Variants in XDH observed in about 807,000 individuals in gnomAD.
The protein encoded by XDH is xanthine dehydrogenase, also known as xanthine dehydrogenase/oxidase.
XDH carries 138 observed loss-of-function variants against 156.1 expected under a neutral mutation model. The ratio of observed to expected loss-of-function variants is 0.88; its 90% CI spans 0.77 to 1.02. The LOEUF (loss-of-function observed/expected upper bound fraction) is 1.02, where lower values mean the gene tolerates loss of function less well. Among genes scored for constraint, XDH ranks in the 50% least tolerant of loss-of-function variants. The pLI, the probability that XDH is intolerant of heterozygous loss-of-function variation, is 0.00. For synonymous variants in XDH, 669 were observed against 625.7 expected (o/e 1.07, Z -1.03); for missense variants, 1,849 against 1,684.9 (o/e 1.10, Z -1.71).
intron 3 of XDH, among the ~76,000 whole-genome samples, chr2:31,402,356 T>A (rs187776296): frequency 6.6e-6 from 1 of 152,316 alleles, no homozygotes; most frequent in African/African-American, 2.4e-5. Flanking sequence ...GCTCCTGAAC[T>A]GCTTCTAATG....
chr2:31,384,148 G>GTGTGTGTGTT (rs1686519192), intron 9 of XDH: 1 of 389,880 alleles, frequency 2.6e-6, no homozygotes, highest in Non-Finnish European at 4.9e-6. Context: ...GTGTGTGTGT[G>GTGTGTGTGTT]TGTGTGTTTG....
chr2:31,373,751 G>C lies in XDH; in HGVS notation c.1686+122C>G, dbSNP rs1686144338. 3.3e-6 allele frequency: 3 copies of C among 914,328 alleles called. 1 individual carries two copies. Among genetic ancestry groups the C allele is most frequent in the South Asian group, 2.8e-5 (2 of 70,966 alleles). The allele number at this position is 914,328 out of a possible 1,614,324, so 56.6% of individuals were successfully genotyped here. A position where few individuals can be genotyped will look rare whatever the true frequency, so the allele number is the denominator to read the frequency against. On this transcript the variant is annotated intron_variant, in intron 16 of 35. Coordinates refer to ENST00000379416, the MANE Select transcript of XDH (RefSeq NM_000379.4). ...TTCTTCACTGGGTATTTACGCACAA[G>C]AGTAAGGAGTTTTATGGACCTATAT... is the stretch of plus-strand genomic sequence containing the variant.
rs17011365 is a variant in XDH at position 31,367,831 on chromosome 2, G to A, written c.2197+130C>T. The A allele has an allele frequency of 7.1e-3, 6,477 of 912,538 alleles. 267 individuals are homozygous for A. In the African/African-American group the frequency reaches 0.09, roughly 13 times the overall value. 56.5% of individuals were successfully genotyped at this position (912,538 alleles called of 1,614,324 possible). On this transcript the variant is annotated intron_variant, in intron 20 of 35. Coordinates refer to ENST00000379416, the MANE Select transcript of XDH (RefSeq NM_000379.4). ...AACTGTCTCCTATTTTGCTACAAAC[G>A]TAAGAGGGAATCTTCTGTCAGGAAA...
Position 31,335,553 on chromosome 2 carries a change from C to T in XDH, c.*405G>A, listed in dbSNP as rs912749639. The T allele has an allele frequency of 1.3e-4, 37 of 293,018 alleles. No homozygotes were observed. In the Middle Eastern group the frequency reaches 3.7e-3, roughly 29 times the overall value. The allele number at this position is 293,018 out of a possible 1,614,324, so 18.2% of individuals were successfully genotyped here. On this transcript the variant is annotated 3_prime_UTR_variant, in exon 36 of 36. Transcript: ENST00000379416. ...GGCCAGGCTTTCACAGGAAGGCACA[C>T]GATTTAAAGTAACTTCGGTTTAAGC...
At position 31,374,107 on chromosome 2, in the gene XDH, C is replaced by T. The variant is rs553676945; in HGVS notation, c.1603-151G>A. The T allele has an allele frequency of 1.4e-5, 11 of 779,022 alleles. No individual in the cohort carries two copies. In the South Asian group the frequency reaches 1.8e-4, roughly 13 times the overall value. 48.3% of individuals were successfully genotyped at this position (779,022 alleles called of 1,614,324 possible). Reference sequence around the variant, plus strand: ...AGTGCTGGCTGGATCTCTCAGCATCCAAACACGGGCTCTGAGAGCTCAGAA... The same window carrying T: ...AGTGCTGGCTGGATCTCTCAGCATCTAAACACGGGCTCTGAGAGCTCAGAA... On this transcript the variant is annotated intron_variant, in intron 15 of 35. Transcript: ENST00000379416.
intron 20 of XDH, 135 bp downstream of exon 20, chr2:31,367,826 C>G: frequency 1.1e-6 from 1 of 883,964 alleles, no homozygotes; most frequent in Non-Finnish European, 1.9e-6. Flanking sequence ...TATTTTGCTA[C>G]AAACGTAAGA....
chr2:31,338,188 G>C (rs1487677209), intron 34 of XDH, among the ~76,000 whole-genome samples: 1 of 152,194 alleles, frequency 6.6e-6, no homozygotes, highest in African/African-American at 2.4e-5. Flanking sequence ...GAGGGGAAGA[G>C]TCTACCTGCA....
At chr2:31,342,855 GA>G (rs1685163576) in intron 31 of XDH, among the ~76,000 whole-genome samples, 1 of 152,096 alleles carries the variant, frequency 6.6e-6, no homozygotes, top group Non-Finnish European at 1.5e-5. Flanking sequence ...GATACGAATA[GA>G]AACAAATGCT....
chr2:31,357,251 C>A (rs374499402), intron 24 of XDH, among the ~76,000 whole-genome samples: 58 of 152,052 alleles, frequency 3.8e-4, no homozygotes, highest in African/African-American at 1.3e-3. Flanking sequence ...AGGATAAGAG[C>A]AGAAATCAGT....
chr2:31,384,272 G>T, intron 9 of XDH: 1 of 193,040 alleles, frequency 5.2e-6, no homozygotes. Context: ...TGATTTTTCT[G>T]TTTATAGATG....
chr2:31,384,941 G>T (rs1404257066), intron 9 of XDH, among the ~76,000 whole-genome samples: 2 of 152,228 alleles, frequency 1.3e-5, no homozygotes, highest in Admixed American at 1.3e-4. Context: ...TAAGAGAGAA[G>T]GGAGTGGCGC....
chr2:31,383,758 C>A lies in XDH; in HGVS notation c.883G>T (p.Asp295Tyr). The stretch of plus-strand genomic sequence containing the variant: ...CTTGGAGTGAACCTCCTCTTACCGT[C>A]GGGTCCATGTTCTACCGAATTCAGC... Reference protein sequence around the residue: ...PELNSVEHGPDGISFGAACPL... With the variant: ...PELNSVEHGPYGISFGAACPL... The change falls in exon 10 of 36, where the codon GAC becomes TAC. Residue 295 changes from aspartate (D) to tyrosine (Y), a missense_variant. Coordinates refer to ENST00000379416, the MANE Select transcript of XDH (RefSeq NM_000379.4). 1 of 1,613,734 alleles carries A rather than the reference C, an allele frequency of 6.2e-7. No individual in the cohort carries two copies.
rs757665079 is a variant in XDH at position 31,348,317 on chromosome 2, G to C, written c.3098C>G (p.Thr1033Ser). The change falls in exon 28 of 36, where the codon ACC becomes AGC. Residue 1033 changes from threonine (T) to serine (S), a missense_variant. Physicochemically the swap from Thr to Ser is moderately conservative, Grantham distance 58. Transcript: ENST00000379416. ...TTGGCCCATCTCAGTCCCCCCGTGG[G>C]TCAGCAGCACAGAGCCATCTGTGTA... ...HVYTDGSVLL[T>S]HGGTEMGQGL... is the part of the protein sequence containing the mutation. The C allele has an allele frequency of 1.2e-6, 2 of 1,614,190 alleles. No homozygotes were observed. The highest frequency in any genetic ancestry group is 2.2e-5 in the South Asian group (2 of 91,080).
chr2:31,368,615 G>A lies in XDH; in HGVS notation c.2026C>T (p.Pro676Ser). The change falls in exon 19 of 36, where the codon CCG (proline) becomes TCG (serine). Residue 676 changes from proline to serine, a missense_variant. Coordinates refer to ENST00000379416, the MANE Select transcript of XDH (RefSeq NM_000379.4). ...HIIGAVVADT[P>S]EHTQRAAQGV... ...TGGGCAGCTCTCTGTGTGTGTTCCGGGGTGTCAGCAACCACAGCACCAATG... is the reference window on the plus strand; with the variant it reads ...TGGGCAGCTCTCTGTGTGTGTTCCGAGGTGTCAGCAACCACAGCACCAATG... 1 of 1,614,124 alleles carries A rather than the reference G, an allele frequency of 6.2e-7. No individual in the cohort carries two copies. The highest frequency in any genetic ancestry group is 8.5e-7 in the Non-Finnish European group (1 of 1,180,014).
At chr2:31,350,958 T>G (rs1205127067) in intron 24 of XDH, among the ~76,000 whole-genome samples, 1 of 152,238 alleles carries the variant, frequency 6.6e-6, no homozygotes, top group Non-Finnish European at 1.5e-5. Flanking sequence ...CTTACAATTC[T>G]CATAGCTTAT....
intron 31 of XDH, among the ~76,000 whole-genome samples, chr2:31,343,612 T>C (rs1323739685): frequency 8.1e-6 from 1 of 124,188 alleles, no homozygotes; most frequent in Non-Finnish European, 1.8e-5. Context: ...CATATGTATG[T>C]TCATATATAT....
intron 13 of XDH, among the ~76,000 whole-genome samples, chr2:31,378,020 T>C (rs1472121526): frequency 7.3e-6 from 1 of 137,530 alleles, no homozygotes; most frequent in Non-Finnish European, 1.5e-5. Context: ...AGTGAGAATC[T>C]GTCTCAAAAA....
chr2:31,358,954 G>T (rs998560176), intron 24 of XDH, among the ~76,000 whole-genome samples: 5 of 152,006 alleles, frequency 3.3e-5, no homozygotes, highest in African/African-American at 1.2e-4. Context: ...GATTGGAAAG[G>T]AAGAAAAAAA....
Position 31,365,469 on chromosome 2 carries a change from C to T in XDH, c.2532G>A (p.Leu844=). Residue 844 remains leucine, a synonymous_variant, in exon 23 of 36, where the codon CTG becomes CTA. Coordinates refer to ENST00000379416, the MANE Select transcript of XDH (RefSeq NM_000379.4). Reference sequence around the variant, plus strand: ...CAACATCTAGAACCTTGTATCTGGCCAGGAAGGGATGTCTGCCACCAGTTA... The same window carrying T: ...CAACATCTAGAACCTTGTATCTGGCTAGGAAGGGATGTCTGCCACCAGTTA... ...MLITGGRHPF[L]ARYKVGFMKT... is the part of the protein sequence containing the mutation. The T allele has an allele frequency of 6.2e-7, 1 of 1,614,154 alleles. No homozygotes were observed. The highest frequency in any genetic ancestry group is 8.5e-7 in the Non-Finnish European group (1 of 1,180,030).
Sources: allele counts gnomAD v4.1 joint callset (sites outside exome capture counted in the v4.1 genomes callset), GRCh38; gene constraint gnomAD v4.1.1; transcripts MANE v1.5; gene names NCBI Gene and HGNC (gene_info 2026-07-23, HGNC 2026-07-21).